The following QTMAN variants were observed in gnomAD, a reference collection of about 807,000 sequenced individuals.
The protein encoded by QTMAN is tRNA-queuosine alpha-mannosyltransferase.
At chr2:144,259,094 C>A in the QTMAN span, among the ~76,000 whole-genome samples, 1 of 152,174 alleles carries the variant, frequency 6.6e-6, no homozygotes, top group Non-Finnish European at 1.5e-5. Context: ...AGCAGGTACA[C>A]CAGAAGTGAC....
chr2:144,129,548 A>G, the QTMAN span, among the ~76,000 whole-genome samples: 1 of 152,026 alleles, frequency 6.6e-6, no homozygotes, highest in Non-Finnish European at 1.5e-5. Context: ...CCAAGATTCC[A>G]GTTTGGAACA....
chr2:144,266,626 G>A, the QTMAN span, among the ~76,000 whole-genome samples: 4,069 of 152,290 alleles, frequency 0.027, 174 homozygotes, highest in African/African-American at 0.093. Context: ...ACTGGAAGTT[G>A]AAACATCTCT....
the QTMAN span, among the ~76,000 whole-genome samples, chr2:144,285,431 A>C: frequency 1.0e-3 from 154 of 152,178 alleles, no homozygotes; most frequent in Admixed American, 3.1e-3. Flanking sequence ...TCTGTTTTAC[A>C]AAACATATCT....
At chr2:144,159,037 T>C in the QTMAN span, among the ~76,000 whole-genome samples, 6 of 151,994 alleles carry the variant, frequency 3.9e-5, no homozygotes, top group African/African-American at 1.2e-4. Context: ...AAAAGATTGG[T>C]TGATTTGCAA....
At chr2:143,940,539 C>G in the QTMAN span, 8 of 152,186 alleles carry the variant, frequency 5.3e-5, no homozygotes, top group Admixed American at 4.6e-4. Flanking sequence ...GCATAAATTT[C>G]CCTATGAATT....
the QTMAN span, among the ~76,000 whole-genome samples, chr2:144,007,788 T>C: frequency 6.6e-6 from 1 of 152,044 alleles, no homozygotes; most frequent in African/African-American, 2.4e-5. Flanking sequence ...GCACATACCA[T>C]AAAACATAAG....
At chr2:144,133,508 TAC>T in the QTMAN span, among the ~76,000 whole-genome samples, 1 of 84,158 alleles carries the variant, frequency 1.2e-5, no homozygotes, top group South Asian at 3.1e-4. Flanking sequence ...ATAATATATA[TAC>T]ATAATATATA....
chr2:144,149,928 T>C, the QTMAN span, among the ~76,000 whole-genome samples: 3 of 152,160 alleles, frequency 2.0e-5, no homozygotes, highest in African/African-American at 7.2e-5. Flanking sequence ...ACCATTAAGA[T>C]GCACACTTTT....
chr2:144,050,413 TA>T, the QTMAN span, among the ~76,000 whole-genome samples: 1 of 152,120 alleles, frequency 6.6e-6, no homozygotes, highest in African/African-American at 2.4e-5. Context: ...CCTTACTAGG[TA>T]ATGAGTTTCC....
chr2:144,149,907 G>A, the QTMAN span, among the ~76,000 whole-genome samples: 1 of 152,114 alleles, frequency 6.6e-6, no homozygotes, highest in East Asian at 1.9e-4. Flanking sequence ...GGCAGTAGTA[G>A]TGTGACCATT....
chr2:144,047,142 G>T, the QTMAN span, among the ~76,000 whole-genome samples: 1 of 152,172 alleles, frequency 6.6e-6, no homozygotes, highest in Non-Finnish European at 1.5e-5. Context: ...ACGGTGGTGT[G>T]TGCCTGTAAT....
chr2:144,020,050 T>C, the QTMAN span, among the ~76,000 whole-genome samples: 3 of 152,192 alleles, frequency 2.0e-5, no homozygotes, highest in East Asian at 5.8e-4. Context: ...CCAGCAGACA[T>C]TTGAGGAAAA....
chr2:144,182,876 TATATATATTTTA>T, the QTMAN span, among the ~76,000 whole-genome samples: 12 of 79,752 alleles, frequency 1.5e-4, no homozygotes, highest in South Asian at 1.7e-3. Context: ...ATATATATTA[TATATATATTTTA>T]TATATATATA....
the QTMAN span, among the ~76,000 whole-genome samples, chr2:144,272,097 A>G: frequency 6.6e-6 from 1 of 152,164 alleles, no homozygotes; most frequent in Non-Finnish European, 1.5e-5. Flanking sequence ...GCATCTAGTA[A>G]TCAGCGTACT....
the QTMAN span, among the ~76,000 whole-genome samples, chr2:144,242,640 G>GTA: frequency 6.6e-6 from 1 of 152,130 alleles, no homozygotes; most frequent in African/African-American, 2.4e-5. Context: ...AGTCAATGAA[G>GTA]TATAAGCTAG....
the QTMAN span, among the ~76,000 whole-genome samples, chr2:144,130,630 C>A: frequency 1.3e-5 from 2 of 151,832 alleles, no homozygotes; most frequent in Non-Finnish European, 2.9e-5. Flanking sequence ...CTTACTATAG[C>A]TCAAGAATTT....
the QTMAN span, among the ~76,000 whole-genome samples, chr2:143,972,515 C>A: frequency 6.6e-6 from 1 of 151,406 alleles, no homozygotes; most frequent in Non-Finnish European, 1.5e-5. Flanking sequence ...GAGGTTTAAT[C>A]GGGTAGAGCT....
At chr2:144,141,013 C>G in the QTMAN span, among the ~76,000 whole-genome samples, 1 of 151,982 alleles carries the variant, frequency 6.6e-6, no homozygotes, top group Non-Finnish European at 1.5e-5. Context: ...GTGTAGAACA[C>G]AGAAGTTAAT....
chr2:144,095,964 C>T, the QTMAN span, among the ~76,000 whole-genome samples: 1 of 152,096 alleles, frequency 6.6e-6, no homozygotes, highest in Non-Finnish European at 1.5e-5. Context: ...TCCCTTGAAG[C>T]AGTCTGAAAT....
Sources: allele counts gnomAD v4.1 joint callset (sites outside exome capture counted in the v4.1 genomes callset), GRCh38; gene constraint gnomAD v4.1.1; transcripts MANE v1.5; gene names NCBI Gene and HGNC (gene_info 2026-07-23, HGNC 2026-07-21).